The following PCDHGB5 variants were observed in gnomAD, a reference collection of about 807,000 sequenced individuals.
PCDHGB5 encodes protocadherin gamma-B5.
A neutral mutation model predicts 62.9 loss-of-function variants in PCDHGB5; 48 were observed. That is an observed-to-expected ratio of 0.76 (90% CI 0.61 to 0.97). PCDHGB5 has a LOEUF of 0.97. Among genes scored for constraint, PCDHGB5 ranks in the 50% least tolerant of loss-of-function variants. The probability of loss-of-function intolerance (pLI) is 0.00; values close to 1 mark genes in which losing one functional copy is unlikely to be tolerated. For synonymous variants in PCDHGB5, 474 were observed against 511.2 expected (o/e 0.93, Z 0.98); for missense variants, 1,118 against 1,198.6 (o/e 0.93, Z 0.99).
At chr5:141,471,743 C>T (rs769600930) in intron 1 of PCDHGB5, among the ~76,000 whole-genome samples, 2 of 152,142 alleles carry the variant, frequency 1.3e-5, no homozygotes, top group Non-Finnish European at 2.9e-5. Flanking sequence ...GGAGACATAA[C>T]ATATTTGAGG....
intron 1 of PCDHGB5, chr5:141,427,649 C>T (rs1283312654): frequency 1.4e-6 from 1 of 717,274 alleles, no homozygotes; most frequent in East Asian, 2.7e-5. Context: ...AAGTCTCCTA[C>T]GTGGTCCACG....
intron 1 of PCDHGB5, chr5:141,423,762 G>T: frequency 2.3e-5 from 6 of 264,236 alleles, no homozygotes; most frequent in Non-Finnish European, 3.4e-5. Context: ...GGGGGGGGGT[G>T]GGGCGGCATA....
intron 1 of PCDHGB5, chr5:141,415,325 C>G: frequency 6.2e-7 from 1 of 1,614,212 alleles, no homozygotes; most frequent in Non-Finnish European, 8.5e-7. Flanking sequence ...GTGCTGCTGG[C>G]GCACAGGCTG....
At position 141,485,430 on chromosome 5, in the gene PCDHGB5, T is replaced by C; in HGVS notation, c.2398-9377T>C. The C allele has an allele frequency of 6.2e-7, 1 of 1,614,138 alleles. No individual in the cohort carries two copies. Among genetic ancestry groups the C allele is most frequent in the Non-Finnish European group, 8.5e-7 (1 of 1,180,022 alleles). On this transcript the variant is annotated intron_variant, in intron 1 of 3. Transcript: ENST00000617380. The surrounding 1 kb of genome is among the most constrained non-coding windows in gnomAD (Gnocchi z 5.7). ...GATTTGGACAGCGGAGCCCTGCTCA[T>C]CAAGAACCCAATCGACCGAGAGGCA... is the stretch of plus-strand genomic sequence containing the variant.
At chr5:141,436,200 T>C (rs1266606536) in intron 1 of PCDHGB5, among the ~76,000 whole-genome samples, 1 of 152,014 alleles carries the variant, frequency 6.6e-6, no homozygotes, top group African/African-American at 2.4e-5. Context: ...AAGAAAGACA[T>C]AATAGGAAAA....
At chr5:141,460,580 G>A (rs1037056676) in intron 1 of PCDHGB5, among the ~76,000 whole-genome samples, 7 of 152,160 alleles carry the variant, frequency 4.6e-5, no homozygotes, top group African/African-American at 1.4e-4. Flanking sequence ...ATGTAGGTGT[G>A]GGTTTTTTCT....
chr5:141,483,445 C>T (rs1332037230), intron 1 of PCDHGB5, among the ~76,000 whole-genome samples: 1 of 152,106 alleles, frequency 6.6e-6, no homozygotes, highest in Admixed American at 6.5e-5. Context: ...ACAATAAAAT[C>T]ATCAGGACTT....
intron 1 of PCDHGB5, among the ~76,000 whole-genome samples, chr5:141,484,107 A>C (rs13361997): frequency 0.24 from 37,195 of 152,070 alleles, 6,332 homozygotes; most frequent in African/African-American, 0.48. Context: ...TAATTAACAA[A>C]AGATCAAGAA....
Position 141,489,391 on chromosome 5 carries a change from G to C in PCDHGB5, c.2398-5416G>C. 6.2e-7 allele frequency: 1 copy of C among 1,614,174 alleles called. No individual in the cohort carries two copies. The highest frequency in any genetic ancestry group is 8.5e-7 in the Non-Finnish European group (1 of 1,180,022). ...GACGCTGGTGGGGAATGTTGCTCAG[G>C]ATCTGGGCTTAAAGATGACAGATCT... On this transcript the variant is annotated intron_variant, in intron 1 of 3. Transcript: ENST00000617380. This position sits in a 1 kb window ranked among gnomAD's most constrained non-coding sequence, Gnocchi z 4.5.
chr5:141,463,874 G>T (rs1311566242), intron 1 of PCDHGB5, among the ~76,000 whole-genome samples: 1 of 152,136 alleles, frequency 6.6e-6, no homozygotes, highest in Non-Finnish European at 1.5e-5. Flanking sequence ...TGACTGAAAG[G>T]AAAAGTTTTC....
Position 141,431,135 on chromosome 5 carries a change from A to C in PCDHGB5, c.2397+30611A>C. ...TGGAGTAGAAGTAGAAGTAAGGGAC[A>C]TTAACGACAATGCGCCTTACTTTCG... On this transcript the variant is annotated intron_variant, in intron 1 of 3. Coordinates refer to ENST00000617380, the MANE Select transcript of PCDHGB5 (RefSeq NM_018925.3). The surrounding 1 kb of genome is among the most constrained non-coding windows in gnomAD (Gnocchi z 4.8). 1 of 1,614,266 alleles carries C rather than the reference A, an allele frequency of 6.2e-7. No homozygotes were observed. Among genetic ancestry groups the C allele is most frequent in the Non-Finnish European group, 8.5e-7 (1 of 1,180,042 alleles).
At position 141,418,056 on chromosome 5, in the gene PCDHGB5, T is replaced by G. The variant is rs199996434; in HGVS notation, c.2397+17532T>G. ...GTCCTGGATGTGTCGGCTCGCGAGC[T>G]GCGAGTGAGCGCGGAGAAGCTGCAC... is the stretch of plus-strand genomic sequence containing the variant. On this transcript the variant is annotated intron_variant, in intron 1 of 3. Coordinates refer to ENST00000617380, the MANE Select transcript of PCDHGB5 (RefSeq NM_018925.3). 5.0e-5 allele frequency: 80 copies of G among 1,613,976 alleles called. No individual in the cohort carries two copies. The African/African-American group carries it at 7.5e-4, about 15-fold the overall frequency.
chr5:141,420,488 A>C, intron 1 of PCDHGB5: 1 of 534,916 alleles, frequency 1.9e-6, no homozygotes, highest in East Asian at 3.8e-5. Context: ...CTACATGGGT[A>C]ATCTCCGGTG....
chr5:141,471,591 A>T (rs925105880), intron 1 of PCDHGB5: 1 of 152,294 alleles, frequency 6.6e-6, no homozygotes, highest in South Asian at 2.1e-4. Context: ...AGTAATTGAT[A>T]GTTTCAAAAT....
Position 141,493,034 on chromosome 5 carries a change from G to A in PCDHGB5, c.2398-1773G>A, listed in dbSNP as rs75211372. 6.6e-6 allele frequency among the ~76,000 whole-genome samples: 1 copy of A among 152,230 alleles called. No homozygotes were observed. Among genetic ancestry groups the A allele is most frequent in the African/African-American group, 2.4e-5 (1 of 41,458 alleles). On this transcript the variant is annotated intron_variant, in intron 1 of 3. Transcript: ENST00000617380. This position sits in a 1 kb window ranked among gnomAD's most constrained non-coding sequence, Gnocchi z 4.3. ...GCCAGATGCCAGGGTGCCCTTATGTGTGAGGAAACTACAATAGTAAAAAAC... is the reference window on the plus strand; with the variant it reads ...GCCAGATGCCAGGGTGCCCTTATGTATGAGGAAACTACAATAGTAAAAAAC...
intron 1 of PCDHGB5, chr5:141,409,139 GA>G: frequency 1.9e-6 from 3 of 1,614,012 alleles, no homozygotes; most frequent in Non-Finnish European, 2.5e-6. Context: ...TGAAGATGTA[GA>G]AAGGTACACC....
chr5:141,413,351 C>A (rs774333807), intron 1 of PCDHGB5: 6 of 1,613,932 alleles, frequency 3.7e-6, no homozygotes, highest in South Asian at 1.1e-5. Flanking sequence ...TTGGGTCTGG[C>A]GCCCCGGGAG....
At position 141,427,298 on chromosome 5, in the gene PCDHGB5, G is replaced by A. The variant is rs960474831; in HGVS notation, c.2397+26774G>A. The A allele has an allele frequency of 8.8e-6, 4 of 456,870 alleles. No individual in the cohort carries two copies. The Admixed American group carries it at 9.4e-5, about 11-fold the overall frequency. 28.3% of individuals were successfully genotyped at this position (456,870 alleles called of 1,614,324 possible). A position where few individuals can be genotyped will look rare whatever the true frequency, so the allele number is the denominator to read the frequency against. On this transcript the variant is annotated intron_variant, in intron 1 of 3. Coordinates refer to ENST00000617380, the MANE Select transcript of PCDHGB5 (RefSeq NM_018925.3). ...AAATTATACTAGAAATCCTAGATGA[G>A]AATGACAATGCCCCAGACGTGGTTT...
intron 1 of PCDHGB5, chr5:141,418,133 C>T (rs758498780): frequency 2.5e-6 from 4 of 1,613,924 alleles, no homozygotes; most frequent in Non-Finnish European, 3.4e-6. Flanking sequence ...CCGAATAGAC[C>T]GTGAGCAAAT....
Sources: allele counts gnomAD v4.1 joint callset (sites outside exome capture counted in the v4.1 genomes callset), GRCh38; gene constraint gnomAD v4.1.1; non-coding constraint Gnocchi (gnomAD v3.1); transcripts MANE v1.5; gene names NCBI Gene and HGNC (gene_info 2026-07-23, HGNC 2026-07-21).